The following HTR1F variants were observed in gnomAD, a reference collection of about 807,000 sequenced individuals.
HTR1F encodes 5-hydroxytryptamine receptor 1F.
In HTR1F, 17 loss-of-function variants were observed where a neutral mutation model predicts 24.0. The ratio of observed to expected loss-of-function variants is 0.71; its 90% CI spans 0.48 to 1.06. The LOEUF (loss-of-function observed/expected upper bound fraction) is 1.06. Ranked by LOEUF, HTR1F falls within the 50% of genes least tolerant of loss-of-function variation. The pLI is 0.00. For missense variants in HTR1F, 391 were observed against 427.8 expected, an observed-to-expected ratio of 0.91 and a Z score of 0.76; for synonymous variants, 186 against 156.8, an observed-to-expected ratio of 1.19 and a Z score of -1.39.
At chr3:87,977,032 A>G (rs1353383652) in intron 2 of HTR1F, among the ~76,000 whole-genome samples, 3 of 152,210 alleles carry the variant, frequency 2.0e-5, no homozygotes, top group Non-Finnish European at 1.5e-5. Flanking sequence ...TTTAACTTAC[A>G]TAATAGGAGA....
chr3:87,940,651 A>G (rs1160229011), intron 2 of HTR1F, among the ~76,000 whole-genome samples: 1 of 152,214 alleles, frequency 6.6e-6, no homozygotes, highest in South Asian at 2.1e-4. Context: ...TGGAACCAAA[A>G]AAGAGCCCAT....
intron 2 of HTR1F, among the ~76,000 whole-genome samples, chr3:87,988,083 C>T (rs1484723041): frequency 6.6e-6 from 1 of 151,818 alleles, no homozygotes; most frequent in Non-Finnish European, 1.5e-5. Flanking sequence ...ATCAGTATCA[C>T]CCGGGAACTT....
intron 1 of HTR1F, among the ~76,000 whole-genome samples, chr3:87,815,162 A>G (rs556555125): frequency 6.6e-6 from 1 of 152,236 alleles, no homozygotes; most frequent in African/African-American, 2.4e-5. Flanking sequence ...TGTCATGGGA[A>G]TTCATGAAAG....
At chr3:87,912,277 C>G (rs1223464134) in intron 2 of HTR1F, among the ~76,000 whole-genome samples, 1 of 151,164 alleles carries the variant, frequency 6.6e-6, no homozygotes, top group Non-Finnish European at 1.5e-5. Context: ...AAACCAACGA[C>G]AGCCAAGACG....
chr3:87,912,426 C>G (rs1375520987), intron 2 of HTR1F, among the ~76,000 whole-genome samples: 1 of 151,832 alleles, frequency 6.6e-6, no homozygotes, highest in African/African-American at 2.4e-5. Context: ...AGAGATGATA[C>G]AAACAAATGG....
At chr3:87,959,237 A>AT (rs1705009141) in intron 2 of HTR1F, among the ~76,000 whole-genome samples, 1 of 151,764 alleles carries the variant, frequency 6.6e-6, no homozygotes, top group African/African-American at 2.4e-5. Context: ...CAATTCTCAC[A>AT]TTTTTATGGT....
chr3:87,850,942 G>A (rs1397638724), intron 2 of HTR1F, among the ~76,000 whole-genome samples: 1 of 151,192 alleles, frequency 6.6e-6, no homozygotes, highest in African/African-American at 2.4e-5. Context: ...TTCTATAGTT[G>A]TCTATACTAT....
At chr3:87,857,534 T>TTA (rs1199945999) in intron 2 of HTR1F, among the ~76,000 whole-genome samples, 2 of 152,128 alleles carry the variant, frequency 1.3e-5, no homozygotes, top group Non-Finnish European at 2.9e-5. Context: ...AGAAGATATT[T>TTA]TAGTATGTCT....
At chr3:87,921,781 A>T (rs1559632649) in intron 2 of HTR1F, among the ~76,000 whole-genome samples, 1 of 151,862 alleles carries the variant, frequency 6.6e-6, no homozygotes, top group East Asian at 1.9e-4. Context: ...TTCCATGAAC[A>T]ACTTGTTTAC....
At chr3:87,805,835 T>C (rs1704064673) in intron 1 of HTR1F, among the ~76,000 whole-genome samples, 1 of 152,128 alleles carries the variant, frequency 6.6e-6, no homozygotes, top group African/African-American at 2.4e-5. Flanking sequence ...TGCAATACAC[T>C]GTTGCTAATT....
intron 2 of HTR1F, among the ~76,000 whole-genome samples, chr3:87,859,057 C>T (rs974788434): frequency 6.6e-6 from 1 of 152,056 alleles, no homozygotes; most frequent in Non-Finnish European, 1.5e-5. Flanking sequence ...ATTAGCCAGA[C>T]TTGGTGGTAG....
At chr3:87,854,102 C>T (rs1036398435) in intron 2 of HTR1F, among the ~76,000 whole-genome samples, 4 of 151,538 alleles carry the variant, frequency 2.6e-5, no homozygotes, top group Admixed American at 1.3e-4. Flanking sequence ...TCACTTTGTT[C>T]GTTTCTTCTT....
At chr3:87,890,273 T>C (rs1706047334) in intron 2 of HTR1F, among the ~76,000 whole-genome samples, 1 of 152,244 alleles carries the variant, frequency 6.6e-6, no homozygotes, top group Non-Finnish European at 1.5e-5. Context: ...TATTTTTGCA[T>C]ATATATGTTT....
chr3:87,878,365 T>C (rs2938265), intron 2 of HTR1F, among the ~76,000 whole-genome samples: 56,168 of 152,048 alleles, frequency 0.37, 15,135 homozygotes, highest in African/African-American at 0.77. Context: ...AGGAAGTAAA[T>C]GCTAAATCAT....
intron 2 of HTR1F, among the ~76,000 whole-genome samples, chr3:87,828,699 A>G (rs1220841108): frequency 6.6e-6 from 1 of 152,226 alleles, no homozygotes; most frequent in East Asian, 1.9e-4. Context: ...TAAATGACAT[A>G]TATCTTCATT....
At chr3:87,809,049 A>G (rs1408255880) in intron 1 of HTR1F, among the ~76,000 whole-genome samples, 1 of 151,718 alleles carries the variant, frequency 6.6e-6, no homozygotes, top group East Asian at 1.9e-4. Flanking sequence ...TGGCTAGTTT[A>G]CAGAAAAGTC....
chr3:87,806,371 C>G (rs1204818454), intron 1 of HTR1F, among the ~76,000 whole-genome samples: 1 of 151,996 alleles, frequency 6.6e-6, no homozygotes, highest in Non-Finnish European at 1.5e-5. Flanking sequence ...TATAAAAGTT[C>G]TCTTCCTCTG....
At chr3:87,848,886 A>T (rs1414102616) in intron 2 of HTR1F, among the ~76,000 whole-genome samples, 1 of 151,592 alleles carries the variant, frequency 6.6e-6, no homozygotes, top group Admixed American at 6.6e-5. Context: ...AATACCTAGG[A>T]ATCCAACTTA....
At chr3:87,813,670 G>A (rs1015053801) in intron 1 of HTR1F, among the ~76,000 whole-genome samples, 3 of 152,148 alleles carry the variant, frequency 2.0e-5, no homozygotes, top group Admixed American at 6.5e-5. Flanking sequence ...TAATCTCCAC[G>A]TGTCGAGAGG....
Sources: allele counts gnomAD v4.1 joint callset (sites outside exome capture counted in the v4.1 genomes callset), GRCh38; gene constraint gnomAD v4.1.1; transcripts MANE v1.5; gene names NCBI Gene and HGNC (gene_info 2026-07-23, HGNC 2026-07-21).